Variants in DYNC2H1 observed in about 807,000 individuals in gnomAD.
The protein encoded by DYNC2H1 is dynein cytoplasmic 2 heavy chain 1, also known as cytoplasmic dynein 2 heavy chain 1.
DYNC2H1 carries 410 observed loss-of-function variants against 570.0 expected under a neutral mutation model. That is an observed-to-expected ratio of 0.72 (90% CI 0.66 to 0.78). The LOEUF is 0.78. DYNC2H1 is among the 30% of genes least tolerant of loss of function. DYNC2H1 has a pLI of 0.00. For missense variants in DYNC2H1, 4,865 were observed against 5,046.4 expected, an observed-to-expected ratio of 0.96 and a Z score of 1.09; for synonymous variants, 1,688 against 1,677.6, an observed-to-expected ratio of 1.01 and a Z score of -0.15.
intron 82 of DYNC2H1, among the ~76,000 whole-genome samples, chr11:103,329,167 G>A (rs192504054): frequency 2.0e-5 from 3 of 152,040 alleles, no homozygotes; most frequent in Admixed American, 2.0e-4. Flanking sequence ...ATGCCTGAAG[G>A]TAGTATCCTG....
intron 83 of DYNC2H1, among the ~76,000 whole-genome samples, chr11:103,377,395 T>C (rs1212015950): frequency 6.6e-6 from 1 of 151,954 alleles, no homozygotes; most frequent in African/African-American, 2.4e-5. Flanking sequence ...TTCTGGTCTG[T>C]TTTTGAAGCA....
In DYNC2H1 at chr11:103,319,695, G is replaced by A. The variant is rs188143518; in HGVS notation, c.11726-1334G>A. On this transcript the variant is annotated intron_variant, in intron 80 of 88. Transcript: ENST00000375735. This position sits in a 1 kb window ranked among gnomAD's most constrained non-coding sequence, Gnocchi z 4.3. ...AAATAAGATTTTCTTATAAAAATTC[G>A]ATAAAATATTTCACATAATGGCTGC... Among the ~76,000 whole-genome samples, 1 of 152,082 alleles carries A rather than the reference G, an allele frequency of 6.6e-6. No homozygotes were observed. The highest frequency in any genetic ancestry group is 2.4e-5 in the African/African-American group (1 of 41,420).
Position 103,205,597 on chromosome 11 carries a change from C to T in DYNC2H1, c.8454+633C>T, listed in dbSNP as rs941661008. On this transcript the variant is annotated intron_variant, in intron 52 of 88. Transcript: ENST00000375735. This position sits in a 1 kb window ranked among gnomAD's most constrained non-coding sequence, Gnocchi z 4.5. Reference sequence around the variant, plus strand: ...AAGATATTTTAGCTTGAGGAGGCCACGTGAATAAGAGGCATTCATTAAGAA... The same window carrying T: ...AAGATATTTTAGCTTGAGGAGGCCATGTGAATAAGAGGCATTCATTAAGAA... Among the ~76,000 whole-genome samples the T allele has an allele frequency of 3.9e-5, 6 of 151,958 alleles. No individual in the cohort carries two copies. The highest frequency in any genetic ancestry group is 1.9e-4 in the East Asian group (1 of 5,184).
chr11:103,332,067 CAAAA>C (rs879873856), intron 82 of DYNC2H1, among the ~76,000 whole-genome samples: 1 of 102,036 alleles, frequency 9.8e-6, no homozygotes, highest in Non-Finnish European at 2.1e-5. Context: ...GACTCCATCT[CAAAA>C]AAAAAAAAAA....
At chr11:103,315,263 C>G (rs1937758736) in intron 79 of DYNC2H1, among the ~76,000 whole-genome samples, 1 of 152,030 alleles carries the variant, frequency 6.6e-6, no homozygotes, top group Non-Finnish European at 1.5e-5. Context: ...ATTTAAGCTT[C>G]CCAAGTGCAC....
intron 83 of DYNC2H1, among the ~76,000 whole-genome samples, chr11:103,389,448 C>G (rs12363355): frequency 0.67 from 101,818 of 151,632 alleles, 34,308 homozygotes; most frequent in Admixed American, 0.73. Flanking sequence ...CAAAAAACCA[C>G]CTCCTGGATT....
chr11:103,246,045 T>C (rs1864602538), intron 65 of DYNC2H1, among the ~76,000 whole-genome samples: 1 of 152,146 alleles, frequency 6.6e-6, no homozygotes, highest in Admixed American at 6.6e-5. Context: ...TATTCTCTGA[T>C]AACCTATTGT....
In DYNC2H1 at chr11:103,241,779, T is replaced by C. The variant is rs1591461653; in HGVS notation, c.9820-1914T>C. ...AGAAATAGATGCTGGGTGATGCTCA[T>C]ACAGTGTAACGTGGCAGGAGGTATG... is the stretch of plus-strand genomic sequence containing the variant. On this transcript the variant is annotated intron_variant, in intron 63 of 88. Coordinates refer to ENST00000375735, the MANE Select transcript of DYNC2H1 (RefSeq NM_001377.3). This position sits in a 1 kb window ranked among gnomAD's most constrained non-coding sequence, Gnocchi z 5.1. 6.6e-6 allele frequency among the ~76,000 whole-genome samples: 1 copy of C among 152,154 alleles called. No homozygotes were observed. Among genetic ancestry groups the C allele is most frequent in the Non-Finnish European group, 1.5e-5 (1 of 68,020 alleles).
At chr11:103,412,313 A>ATAACT (rs1943120179) in intron 84 of DYNC2H1, among the ~76,000 whole-genome samples, 1 of 152,108 alleles carries the variant, frequency 6.6e-6, no homozygotes, top group South Asian at 2.1e-4. Context: ...TATTTCTTTG[A>ATAACT]TAACTTATGA....
Position 103,456,260 on chromosome 11 carries a change from G to A in DYNC2H1, c.12567-15G>A, listed in dbSNP as rs1565614764. ...AGGATTATTGATTTGTGACTTTGAT[G>A]CTTTACCTTTACAGGGCAGTGGGTC... On this transcript the variant is annotated splice_polypyrimidine_tract_variant and intron_variant, in intron 86 of 88. Transcript: ENST00000375735. The A allele has an allele frequency of 1.9e-6, 3 of 1,589,640 alleles. No homozygotes were observed. The highest frequency in any genetic ancestry group is 2.6e-6 in the Non-Finnish European group (3 of 1,164,190).
chr11:103,260,619 A>ATT (rs35142548), intron 70 of DYNC2H1, among the ~76,000 whole-genome samples: 20,720 of 139,980 alleles, frequency 0.15, 1,815 homozygotes, highest in African/African-American at 0.23. Flanking sequence ...TGTACTTAGA[A>ATT]TTTTTTTTTT....
In DYNC2H1 at chr11:103,254,993, G is replaced by A. The variant is rs585639; in HGVS notation, c.10207-422G>A. On this transcript the variant is annotated intron_variant, in intron 66 of 88. Transcript: ENST00000375735. The surrounding 1 kb of genome is among the most constrained non-coding windows in gnomAD (Gnocchi z 4.9). ...TCACTATGTTAGCCAGGCTGGTCTC[G>A]AACTCCTTACCTCGTGATCCACCCA... 0.068 allele frequency among the ~76,000 whole-genome samples: 10,254 copies of A among 151,754 alleles called. 381 individuals are homozygous for A. Among genetic ancestry groups the A allele is most frequent in the Middle Eastern group, 0.15 (44 of 294 alleles).
intron 55 of DYNC2H1, among the ~76,000 whole-genome samples, chr11:103,218,972 T>C (rs960200947): frequency 1.4e-4 from 21 of 152,226 alleles, no homozygotes; most frequent in African/African-American, 4.3e-4. Context: ...GCAAATTAAA[T>C]GCTATACAAA....
At chr11:103,435,860 T>C (rs1346523065) in intron 84 of DYNC2H1, 83 bp from the exon 85 acceptor site, 5 of 1,388,354 alleles carry the variant, frequency 3.6e-6, no homozygotes. Flanking sequence ...TGCCAAAATT[T>C]TTCTCCATCA....
At chr11:103,147,640 C>A in intron 18 of DYNC2H1, 132 bp from the exon 19 acceptor site, 2 of 585,520 alleles carry the variant, frequency 3.4e-6, no homozygotes, top group East Asian at 3.2e-5. Context: ...TCTAAATGTG[C>A]TTAAAGATCA....
chr11:103,133,505 T>A lies in DYNC2H1; in HGVS notation c.1954-50T>A, dbSNP rs1273983021. ...TTTTGATATAGAATATTGAAACTTT[T>A]GGAAAAAAGAAATACTTATACATAC... is the stretch of plus-strand genomic sequence containing the variant. On this transcript the variant is annotated intron_variant, in intron 13 of 88. Coordinates refer to ENST00000375735, the MANE Select transcript of DYNC2H1 (RefSeq NM_001377.3). This position sits in a 1 kb window ranked among gnomAD's most constrained non-coding sequence, Gnocchi z 4.8. The A allele has an allele frequency of 6.6e-7, 1 of 1,523,956 alleles. No individual in the cohort carries two copies. Among genetic ancestry groups the A allele is most frequent in the East Asian group, 2.4e-5 (1 of 41,924 alleles). 94.4% of individuals were successfully genotyped at this position (1,523,956 alleles called of 1,614,324 possible).
intron 52 of DYNC2H1, among the ~76,000 whole-genome samples, chr11:103,206,008 A>C (rs1243004173): frequency 6.6e-6 from 1 of 152,178 alleles, no homozygotes; most frequent in Non-Finnish European, 1.5e-5. Context: ...GGATTACTGT[A>C]GTTTCTGTGC....
chr11:103,411,586 T>C (rs1208943734), intron 84 of DYNC2H1, among the ~76,000 whole-genome samples: 2 of 152,204 alleles, frequency 1.3e-5, no homozygotes, highest in East Asian at 3.9e-4. Context: ...ATGATTATAA[T>C]ATAATGTGGC....
At position 103,236,425 on chromosome 11, in the gene DYNC2H1, T is replaced by C; in HGVS notation, c.9710-5T>C. ...GAAGTATTATCAATATCTTCAACTTTTCAGAATTTGATCTGAGGAGATTTC... is the reference window on the plus strand; with the variant it reads ...GAAGTATTATCAATATCTTCAACTTCTCAGAATTTGATCTGAGGAGATTTC... On this transcript the variant is annotated splice_polypyrimidine_tract_variant and splice_region_variant and intron_variant, in intron 62 of 88. Transcript: ENST00000375735. The C allele has an allele frequency of 6.5e-7, 1 of 1,547,980 alleles. No individual in the cohort carries two copies. Among genetic ancestry groups the C allele is most frequent in the Non-Finnish European group, 8.9e-7 (1 of 1,120,880 alleles).
Sources: gnomAD v4.1 joint callset for allele counts (sites outside exome capture counted in the v4.1 genomes callset) on GRCh38, gnomAD v4.1.1 for gene constraint, Gnocchi (gnomAD v3.1) non-coding constraint, MANE v1.5 for transcripts, NCBI Gene and HGNC (gene_info 2026-07-23, HGNC 2026-07-21) for gene names.